The following USP8 variants were observed in gnomAD, a reference collection of about 807,000 sequenced individuals.
USP8 encodes ubiquitin carboxyl-terminal hydrolase 8.
Under a neutral mutation model 130.0 loss-of-function variants are expected in USP8, and 27 were observed. The observed-to-expected ratio is 0.21, with a 90% CI of 0.15 to 0.29. The LOEUF is 0.29. Ranked by LOEUF, USP8 falls within the 10% of genes least tolerant of loss-of-function variation. The pLI is 1.00. For synonymous variants in USP8, 392 were observed against 444.1 expected, an observed-to-expected ratio of 0.88 and a Z score of 1.48; for missense variants, 1,029 against 1,312.2, an observed-to-expected ratio of 0.78 and a Z score of 3.33.
At chr15:50,487,610 AC>A (rs747749415) in intron 12 of USP8, among the ~76,000 whole-genome samples, 2 of 152,210 alleles carry the variant, frequency 1.3e-5, no homozygotes, top group African/African-American at 2.4e-5. Context: ...TTTGTTGGCC[AC>A]CCACCATCTT....
intron 1 of USP8, among the ~76,000 whole-genome samples, chr15:50,428,902 G>C (rs570912018): frequency 3.3e-5 from 5 of 152,214 alleles, no homozygotes; most frequent in African/African-American, 1.2e-4. Context: ...AGTAAAATGA[G>C]GGTTACTTGA....
At chr15:50,453,037 A>G (rs11070779) in intron 4 of USP8, among the ~76,000 whole-genome samples, 21,839 of 152,208 alleles carry the variant, frequency 0.14, 2,014 homozygotes, top group Middle Eastern at 0.28. Flanking sequence ...TGGTGTTGAT[A>G]TTTCCATAGA....
At chr15:50,435,871 C>T (rs1423110183) in intron 1 of USP8, among the ~76,000 whole-genome samples, 1 of 152,148 alleles carries the variant, frequency 6.6e-6, no homozygotes, top group Non-Finnish European at 1.5e-5. Context: ...TTGGTGACAT[C>T]GTAATCTTAT....
intron 4 of USP8, among the ~76,000 whole-genome samples, chr15:50,456,152 A>G (rs554448543): frequency 6.6e-6 from 1 of 152,204 alleles, no homozygotes; most frequent in African/African-American, 2.4e-5. Context: ...TCCTACCTTT[A>G]TTTTTTAAGG....
chr15:50,431,868 C>A, intron 1 of USP8, among the ~76,000 whole-genome samples: 1 of 151,962 alleles, frequency 6.6e-6, no homozygotes, highest in African/African-American at 2.4e-5. Context: ...ATTGGTCAGG[C>A]TGGTCTTGAA....
chr15:50,501,447 C>G lies in USP8; in HGVS notation c.*2359C>G, dbSNP rs2052586383. ...CGTGATTGTACCACTGCACTCCAGC[C>G]TGGGTGACAGAGTGAGACCCTGTCT... On this transcript the variant is annotated 3_prime_UTR_variant, in exon 20 of 20. Coordinates refer to ENST00000307179, the MANE Select transcript of USP8 (RefSeq NM_005154.5). 6.6e-6 allele frequency: 1 copy of G among 151,542 alleles called. No homozygotes were observed. Among genetic ancestry groups the G allele is most frequent in the South Asian group, 2.1e-4 (1 of 4,812 alleles). 9.4% of individuals were successfully genotyped at this position (151,542 alleles called of 1,614,324 possible). A position where few individuals can be genotyped will look rare whatever the true frequency, so the allele number is the denominator to read the frequency against.
intron 1 of USP8, among the ~76,000 whole-genome samples, chr15:50,427,558 A>ATTTTTT (rs59709410): frequency 9.4e-6 from 1 of 106,538 alleles, no homozygotes; most frequent in African/African-American, 3.5e-5. Context: ...AGCCGTACTA[A>ATTTTTT]TTTTTTTTTT....
At position 50,512,769 on chromosome 15, in the gene USP8, G is replaced by C. The variant is rs1313581043; in HGVS notation, c.*13681G>C. On this transcript the variant is annotated 3_prime_UTR_variant, in exon 20 of 20. Transcript: ENST00000307179. ...ATCACACCACCGCACTCCAGCCTGG[G>C]CGACAGAGCCAGACTCTGTCTCAAA... is the stretch of plus-strand genomic sequence containing the variant. 1.3e-5 allele frequency: 2 copies of C among 151,850 alleles called. No individual in the cohort carries two copies. The highest frequency in any genetic ancestry group is 2.9e-5 in the Non-Finnish European group (2 of 68,008). The allele number at this position is 151,850 out of a possible 1,614,324, so 9.4% of individuals were successfully genotyped here. A position where few individuals can be genotyped will look rare whatever the true frequency, so the allele number is the denominator to read the frequency against.
At position 50,510,704 on chromosome 15, in the gene USP8, A is replaced by C. The variant is rs1012642618; in HGVS notation, c.*11616A>C. The C allele has an allele frequency of 9.2e-5, 14 of 152,170 alleles. No homozygotes were observed. The highest frequency in any genetic ancestry group is 3.1e-4 in the African/African-American group (13 of 41,428). The allele number at this position is 152,170 out of a possible 1,614,324, so 9.4% of individuals were successfully genotyped here. Reference sequence around the variant, plus strand: ...ATATGTATAGAGAGTGAAAGTAATAAAAGTGTATACACTGCTAAATGTTAA... The same window carrying C: ...ATATGTATAGAGAGTGAAAGTAATACAAGTGTATACACTGCTAAATGTTAA... On this transcript the variant is annotated 3_prime_UTR_variant, in exon 20 of 20. Transcript: ENST00000307179.
Position 50,481,710 on chromosome 15 carries a change from G to A in USP8, c.1448G>A (p.Arg483Gln), listed in dbSNP as rs115970610. The change falls in exon 11 of 20, where the codon CGG (arginine) becomes CAG (glutamine). Residue 483 changes from arginine (R) to glutamine (Q), a missense_variant. By Grantham distance (43) the Arg-to-Gln change is conservative (BLOSUM62 1). This residue lies in a region of USP8 where 486 missense variants were observed against 522.0 expected (regional missense o/e 0.93). Transcript: ENST00000307179. Reference protein sequence around the residue: ...MEKNKQEKELRERQQEEQKEK... With the variant: ...MEKNKQEKELQERQQEEQKEK... ...AAAAACAAACAAGAAAAAGAACTTC[G>A]GGAAAGGCAGCAAGAGGAACAGAAA... 8.1e-4 allele frequency: 1,301 copies of A among 1,611,678 alleles called. 9 individuals carry two copies. In the African/African-American group the frequency reaches 0.015, roughly 19 times the overall value.
intron 1 of USP8, among the ~76,000 whole-genome samples, chr15:50,429,332 TTTTAA>T (rs1302873402): frequency 2.2e-4 from 34 of 151,220 alleles, no homozygotes; most frequent in African/African-American, 7.8e-4. Flanking sequence ...GGAGGTGTTA[TTTTAA>T]TTTCTCAATT....
Position 50,495,215 on chromosome 15 carries a change from T to G in USP8, c.2659-633T>G, listed in dbSNP as rs148014458. Among the ~76,000 whole-genome samples the G allele has an allele frequency of 1.1e-4, 15 of 140,850 alleles. No individual in the cohort carries two copies. In the East Asian group the frequency reaches 3.0e-3, roughly 28 times the overall value. 92.4% of individuals were successfully genotyped at this position (140,850 alleles called of 152,430 possible). On this transcript the variant is annotated intron_variant, in intron 16 of 19. Coordinates refer to ENST00000307179, the MANE Select transcript of USP8 (RefSeq NM_005154.5). ...ATATATATATATATACACACACACCTACACAAAAATATTTGTGTATATATA... is the reference window on the plus strand; with the variant it reads ...ATATATATATATATACACACACACCGACACAAAAATATTTGTGTATATATA...
rs1436153457 is a variant in USP8 at position 50,510,648 on chromosome 15, T to A, written c.*11560T>A. 1.3e-5 allele frequency: 2 copies of A among 152,184 alleles called. No individual in the cohort carries two copies. Among genetic ancestry groups the A allele is most frequent in the East Asian group, 3.8e-4 (2 of 5,202 alleles). 9.4% of individuals were successfully genotyped at this position (152,184 alleles called of 1,614,324 possible). ...TACAAGATTTAAATCAGCAAAAAGTTAGATATACGTGTGTATAGATGTGCA... is the reference window on the plus strand; with the variant it reads ...TACAAGATTTAAATCAGCAAAAAGTAAGATATACGTGTGTATAGATGTGCA... On this transcript the variant is annotated 3_prime_UTR_variant, in exon 20 of 20. Coordinates refer to ENST00000307179, the MANE Select transcript of USP8 (RefSeq NM_005154.5).
chr15:50,445,969 ATTCT>A (rs924969690), intron 3 of USP8, among the ~76,000 whole-genome samples: 22 of 152,334 alleles, frequency 1.4e-4, no homozygotes, highest in African/African-American at 5.3e-4. Flanking sequence ...CTTATGAATA[ATTCT>A]TTCAGGGTTA....
chr15:50,432,576 A>G (rs28698226), intron 1 of USP8: 20,402 of 152,220 alleles, frequency 0.13, 2,283 homozygotes, highest in African/African-American at 0.31. Flanking sequence ...CAGTTCCCCA[A>G]TCAGCACTGG....
chr15:50,497,167 CG>C lies in USP8; in HGVS notation c.2977del (p.Asp993IlefsTer3). The C allele has an allele frequency of 6.2e-7, 1 of 1,610,340 alleles. No individual in the cohort carries two copies. Among genetic ancestry groups the C allele is most frequent in the Non-Finnish European group, 8.5e-7 (1 of 1,178,450 alleles). On this transcript the variant is annotated frameshift_variant, in exon 18 of 20. Coordinates refer to ENST00000307179, the MANE Select transcript of USP8 (RefSeq NM_005154.5). LOFTEE classifies it high-confidence loss of function. ...RFYCSHCRARRDSLKKIEIWK... is the reference protein window; with the variant it reads ...RFYCSHCRARXDSLKKIEIWK... ...TTACTGCAGTCATTGCAGAGCTCGA[CG>C]GGATTCTCTAAAAAAGATAGAAATC... is the stretch of plus-strand genomic sequence containing the variant.
chr15:50,466,219 A>G (rs777983834), intron 7 of USP8, among the ~76,000 whole-genome samples: 2 of 152,162 alleles, frequency 1.3e-5, no homozygotes, highest in Non-Finnish European at 2.9e-5. Flanking sequence ...AGGTAATAAA[A>G]TCTGTATAGT....
chr15:50,465,668 T>C (rs2051165695), intron 7 of USP8, among the ~76,000 whole-genome samples: 1 of 152,250 alleles, frequency 6.6e-6, no homozygotes, highest in Non-Finnish European at 1.5e-5. Flanking sequence ...GTGAATCGTA[T>C]GTACCAAATT....
At chr15:50,437,001 A>G (rs1394754612) in intron 1 of USP8, among the ~76,000 whole-genome samples, 7 of 146,042 alleles carry the variant, frequency 4.8e-5, no homozygotes, top group African/African-American at 1.5e-4. Flanking sequence ...TTTTAAATCA[A>G]TATGTTTTTT....
Sources: allele counts gnomAD v4.1 joint callset (sites outside exome capture counted in the v4.1 genomes callset), GRCh38; gene constraint gnomAD v4.1.1; regional missense constraint gnomAD v4.1.1; transcripts MANE v1.5; gene names NCBI Gene and HGNC (gene_info 2026-07-23, HGNC 2026-07-21).